Variants in SH3GL2 observed in about 807,000 individuals in gnomAD.
SH3GL2 encodes the protein SH3 domain containing GRB2 like 2, endophilin A1.
Under a neutral mutation model 46.0 loss-of-function variants are expected in SH3GL2, and 24 were observed. The observed-to-expected ratio is 0.52, with a 90% CI of 0.38 to 0.73. SH3GL2 has a LOEUF of 0.73. Ranked by LOEUF, SH3GL2 falls within the 30% of genes least tolerant of loss-of-function variation. The pLI, the probability that SH3GL2 is intolerant of heterozygous loss-of-function variation, is 0.00. For synonymous variants in SH3GL2, 196 were observed against 147.1 expected (o/e 1.33, Z -2.40); for missense variants, 413 against 424.2 (o/e 0.97, Z 0.23).
intron 1 of SH3GL2, among the ~76,000 whole-genome samples, chr9:17,633,342 A>C (rs990508058): frequency 6.6e-6 from 1 of 152,178 alleles, no homozygotes; most frequent in African/African-American, 2.4e-5. Flanking sequence ...GTGGGAGGAT[A>C]CTACTCTCAA....
At position 17,603,121 on chromosome 9, in the gene SH3GL2, C is replaced by T. The variant is rs138782224; in HGVS notation, c.45+23834C>T. ...TGGAGAGGTCACCTTAATTCCAGAGCAGCAAAGAGTTTTATTTATGAGAAA... is the reference window on the plus strand; with the variant it reads ...TGGAGAGGTCACCTTAATTCCAGAGTAGCAAAGAGTTTTATTTATGAGAAA... On this transcript the variant is annotated intron_variant, in intron 1 of 8. Transcript: ENST00000380607. Among the ~76,000 whole-genome samples the T allele has an allele frequency of 2.7e-3, 408 of 152,176 alleles. 3 individuals are homozygous for T. The highest frequency in any genetic ancestry group is 9.3e-3 in the African/African-American group (388 of 41,530).
chr9:17,655,210 A>C (rs1820046469), intron 1 of SH3GL2, among the ~76,000 whole-genome samples: 1 of 152,336 alleles, frequency 6.6e-6, no homozygotes, highest in Non-Finnish European at 1.5e-5. Flanking sequence ...ATTTCTGATC[A>C]AATAAATACC....
At chr9:17,698,645 A>T (rs1821266875) in intron 1 of SH3GL2, among the ~76,000 whole-genome samples, 1 of 152,148 alleles carries the variant, frequency 6.6e-6, no homozygotes, top group Admixed American at 6.5e-5. Context: ...ATTAAATGAG[A>T]TAGAGAAAAA....
intron 1 of SH3GL2, 33 bp from the exon 2 acceptor site, chr9:17,747,033 A>G: frequency 1.4e-6 from 2 of 1,426,162 alleles, no homozygotes; most frequent in Non-Finnish European, 2.0e-6. Context: ...GAAACTGTTT[A>G]TAATAATTCT....
At position 17,793,370 on chromosome 9, in the gene SH3GL2, A is replaced by T. The variant is rs142672805; in HGVS notation, c.732A>T (p.Ile244=). 13 of 1,610,108 alleles carry T rather than the reference A, an allele frequency of 8.1e-6. No homozygotes were observed. Among genetic ancestry groups the T allele is most frequent in the Middle Eastern group, 3.3e-4 (2 of 6,040 alleles). The change falls in exon 8 of 9, where the codon ATA becomes ATT. Residue 244 remains isoleucine (I), a synonymous_variant. Transcript: ENST00000380607. ...QQVTVRLEER[I]RQASSQPRRE... The stretch of plus-strand genomic sequence containing the variant: ...ACCACTTTTCTTTTTACTGCAGAAT[A>T]AGACAGGCTTCATCTCAGCCTAGAA...
intron 1 of SH3GL2, among the ~76,000 whole-genome samples, chr9:17,656,777 A>C (rs1055091160): frequency 6.6e-6 from 1 of 150,918 alleles, no homozygotes; most frequent in African/African-American, 2.4e-5. Context: ...TCTCAAAAAA[A>C]AAAAAAAAAA....
At chr9:17,646,435 C>A (rs1359734316) in intron 1 of SH3GL2, among the ~76,000 whole-genome samples, 1 of 152,028 alleles carries the variant, frequency 6.6e-6, no homozygotes, top group African/African-American at 2.4e-5. Flanking sequence ...GAGTTGTGAT[C>A]CTTTGGAGGA....
chr9:17,616,754 A>G lies in SH3GL2; in HGVS notation c.45+37467A>G, dbSNP rs182013623. Among the ~76,000 whole-genome samples the G allele has an allele frequency of 4.9e-4, 74 of 152,220 alleles. No homozygotes were observed. The East Asian group carries it at 0.012, about 25-fold the overall frequency. ...AGTAAGTCCCTTTTTTTTTGTTAAT[A>G]TAGCCTGTTGGTTTAGTAGATTTTT... On this transcript the variant is annotated intron_variant, in intron 1 of 8. Transcript: ENST00000380607.
Position 17,755,358 on chromosome 9 carries a change from C to G in SH3GL2, c.115-6079C>G, listed in dbSNP as rs374466649. ...AGCCTACTTGATAATGGTGGATAAG[C>G]TTTTTGACATGCCTCTGGATTTGGT... is the stretch of plus-strand genomic sequence containing the variant. On this transcript the variant is annotated intron_variant, in intron 2 of 8. Transcript: ENST00000380607. 9.5e-4 allele frequency among the ~76,000 whole-genome samples: 145 copies of G among 152,280 alleles called. 1 individual carries two copies. The South Asian group carries it at 0.029, about 30-fold the overall frequency.
In SH3GL2 at chr9:17,734,866, T is replaced by C. The variant is rs138340657; in HGVS notation, c.46-12200T>C. Among the ~76,000 whole-genome samples, 280 of 152,210 alleles carry C rather than the reference T, an allele frequency of 1.8e-3. 2 individuals are homozygous for C. The highest frequency in any genetic ancestry group is 1.9e-3 in the Admixed American group (29 of 15,272). ...TCTTTTTGGTATGATGAAAGCAGTG[T>C]AATATTTGAGTATGGTGATGATTAC... On this transcript the variant is annotated intron_variant, in intron 1 of 8. Transcript: ENST00000380607.
intron 1 of SH3GL2, among the ~76,000 whole-genome samples, chr9:17,720,571 C>T (rs905594220): frequency 6.6e-6 from 1 of 151,866 alleles, no homozygotes; most frequent in African/African-American, 2.4e-5. Flanking sequence ...GGTGATTGGC[C>T]CAAGAGTTGG....
chr9:17,789,442 G>T lies in SH3GL2; in HGVS notation c.516G>T (p.Lys172Asn), dbSNP rs1824058520. 3 of 1,613,378 alleles carry T rather than the reference G, an allele frequency of 1.9e-6. No individual in the cohort carries two copies. Among genetic ancestry groups the T allele is most frequent in the Non-Finnish European group, 2.5e-6 (3 of 1,179,588 alleles). ...GACGCCTGGATTTTGATTATAAGAA[G>T]AAACGACAAGGCAAGATTCCGGATG... The part of the protein sequence containing the change: ...EGRRLDFDYK[K>N]KRQGKIPDEE... The change falls in exon 6 of 9, where the codon AAG (lysine) becomes AAT (asparagine). Residue 172 changes from lysine (K) to asparagine (N), a missense_variant. This residue lies in a region of SH3GL2 where 248 missense variants were observed against 215.0 expected (regional missense o/e 1.15). Coordinates refer to ENST00000380607, the MANE Select transcript of SH3GL2 (RefSeq NM_003026.5).
At position 17,752,268 on chromosome 9, in the gene SH3GL2, C is replaced by G. The variant is rs531409267; in HGVS notation, c.114+5134C>G. Among the ~76,000 whole-genome samples the G allele has an allele frequency of 6.6e-5, 10 of 152,176 alleles. No homozygotes were observed. The South Asian group carries it at 1.9e-3, about 28-fold the overall frequency. On this transcript the variant is annotated intron_variant, in intron 2 of 8. Transcript: ENST00000380607. ...TCCCAGGACACGGTTTTCATCATGTCTCTGTGATTGTTTATTGAGCTGTTC... is the reference window on the plus strand; with the variant it reads ...TCCCAGGACACGGTTTTCATCATGTGTCTGTGATTGTTTATTGAGCTGTTC...
rs1383785780 is a variant in SH3GL2, at chr9:17,579,213, A to T, written c.-30A>T. ...TCCCCCTCCGCCTCCTCCCTCCCGC[A>T]CAGCAGCCGCCAGCGCGGCCTCCTG... On this transcript the variant is annotated 5_prime_UTR_variant, in exon 1 of 9. Coordinates refer to ENST00000380607, the MANE Select transcript of SH3GL2 (RefSeq NM_003026.5). The T allele has an allele frequency of 6.6e-7, 1 of 1,525,454 alleles. No homozygotes were observed. Among genetic ancestry groups the T allele is most frequent in the Non-Finnish European group, 8.8e-7 (1 of 1,135,586 alleles). 94.5% of individuals were successfully genotyped at this position (1,525,454 alleles called of 1,614,324 possible).
At chr9:17,754,875 A>G (rs1259311027) in intron 2 of SH3GL2, among the ~76,000 whole-genome samples, 2 of 152,130 alleles carry the variant, frequency 1.3e-5, no homozygotes, top group Non-Finnish European at 1.5e-5. Flanking sequence ...TCAGCTTAAG[A>G]ATCTTTTTGG....
At chr9:17,704,021 T>C (rs1821403648) in intron 1 of SH3GL2, among the ~76,000 whole-genome samples, 1 of 152,076 alleles carries the variant, frequency 6.6e-6, no homozygotes, top group South Asian at 2.1e-4. Context: ...GTAGACCATA[T>C]GGTTCTATAC....
intron 1 of SH3GL2, among the ~76,000 whole-genome samples, chr9:17,664,604 A>G (rs1253710637): frequency 6.6e-6 from 1 of 152,054 alleles, no homozygotes; most frequent in East Asian, 1.9e-4. Flanking sequence ...AAGTTTGACA[A>G]AAAAGCAAGT....
intron 1 of SH3GL2, among the ~76,000 whole-genome samples, chr9:17,680,690 G>C (rs201496043): frequency 2.6e-5 from 4 of 151,978 alleles, no homozygotes; most frequent in Middle Eastern, 3.4e-3. Context: ...TGTGTTTGCT[G>C]TTGCTTCTCT....
chr9:17,638,800 T>A (rs1406258236), intron 1 of SH3GL2, among the ~76,000 whole-genome samples: 2 of 152,162 alleles, frequency 1.3e-5, no homozygotes, highest in Non-Finnish European at 2.9e-5. Flanking sequence ...CACCCACCCC[T>A]CCTTGATGTC....
Sources: gnomAD v4.1 joint callset for allele counts (sites outside exome capture counted in the v4.1 genomes callset) on GRCh38, gnomAD v4.1.1 for gene constraint, gnomAD v4.1.1 regional missense constraint, MANE v1.5 for transcripts, NCBI Gene and HGNC (gene_info 2026-07-23, HGNC 2026-07-21) for gene names.